SEC14L1: variants seen among roughly 807,000 people sequenced by gnomAD.
SEC14L1 encodes SEC14 like lipid binding 1.
SEC14L1 carries 48 observed loss-of-function variants against 85.3 expected under a neutral mutation model. That is an observed-to-expected ratio of 0.56 (90% CI 0.45 to 0.72). SEC14L1 has a LOEUF of 0.72. Ranked by LOEUF, SEC14L1 falls within the 30% of genes least tolerant of loss-of-function variation. The pLI is 0.00. For missense variants in SEC14L1, 682 were observed against 921.4 expected (o/e 0.74, Z 3.36); for synonymous variants, 391 against 355.5 (o/e 1.10, Z -1.12).
At chr17:77,194,962 T>G (rs1437190765) in intron 7 of SEC14L1, 51 bp downstream of exon 7, 15 of 1,408,664 alleles carry the variant, frequency 1.1e-5, no homozygotes, top group Non-Finnish European at 1.5e-5. Flanking sequence ...GAAGTCGGCG[T>G]TGCCGTTTTC....
chr17:77,163,250 C>T (rs2143644614), intron 3 of SEC14L1, among the ~76,000 whole-genome samples: 1 of 152,226 alleles, frequency 6.6e-6, no homozygotes, highest in East Asian at 1.9e-4. Flanking sequence ...AGTCGAGGGA[C>T]CAGGGGAGAA....
chr17:77,181,898 G>A lies in SEC14L1; in HGVS notation c.64-8905G>A, dbSNP rs1009370020. Among the ~76,000 whole-genome samples the A allele has an allele frequency of 4.0e-5, 6 of 151,264 alleles. No homozygotes were observed. The South Asian group carries it at 8.3e-4, about 21-fold the overall frequency. Reference sequence around the variant, plus strand: ...TGAGGGACTTTGGTCAGTTTGCCACGTTTTCTTTCTTTTTTTTTTTAATGC... The same window carrying A: ...TGAGGGACTTTGGTCAGTTTGCCACATTTTCTTTCTTTTTTTTTTTAATGC... On this transcript the variant is annotated intron_variant, in intron 3 of 16. Transcript: ENST00000436233.
Position 77,216,631 on chromosome 17 carries a change from A to G in SEC14L1, c.*2608A>G. 2.5e-6 allele frequency: 4 copies of G among 1,612,100 alleles called. No homozygotes were observed. Among genetic ancestry groups the G allele is most frequent in the Non-Finnish European group, 3.4e-6 (4 of 1,178,582 alleles). On this transcript the variant is annotated 3_prime_UTR_variant, in exon 17 of 17. Coordinates refer to ENST00000436233, the MANE Select transcript of SEC14L1 (RefSeq NM_001143998.2). ...CCAGAGATGTTTATAGAACTGTTTG[A>G]ATTGCAGCCATCCCCTGCCCCCTCC...
chr17:77,187,378 C>A (rs552829679), intron 3 of SEC14L1, among the ~76,000 whole-genome samples: 155 of 152,060 alleles, frequency 1.0e-3, no homozygotes, highest in African/African-American at 3.4e-3. Context: ...ATGCCCCCCC[C>A]CCACACCCCT....
In SEC14L1 at chr17:77,213,035, C is replaced by T. The variant is rs867593945; in HGVS notation, c.1864-279C>T. On this transcript the variant is annotated intron_variant, in intron 15 of 16. Coordinates refer to ENST00000436233, the MANE Select transcript of SEC14L1 (RefSeq NM_001143998.2). The surrounding 1 kb of genome is among the most constrained non-coding windows in gnomAD (Gnocchi z 7.1). Reference sequence around the variant, plus strand: ...TGCCACCAGCCTGCCAGGCTCCTGCCTCCGTAGGTGGGGTGGGCTGGGCAG... The same window carrying T: ...TGCCACCAGCCTGCCAGGCTCCTGCTTCCGTAGGTGGGGTGGGCTGGGCAG... Among the ~76,000 whole-genome samples, 3 of 152,244 alleles carry T rather than the reference C, an allele frequency of 2.0e-5. No homozygotes were observed. The highest frequency in any genetic ancestry group is 4.4e-5 in the Non-Finnish European group (3 of 68,042).
chr17:77,211,764 A>G (rs1411675842), intron 14 of SEC14L1, 186 bp from the exon 15 acceptor site: 1 of 711,172 alleles, frequency 1.4e-6, no homozygotes, highest in East Asian at 2.6e-5. Context: ...GACATGTAGC[A>G]GGATCCAGCG....
intron 13 of SEC14L1, among the ~76,000 whole-genome samples, chr17:77,207,502 A>T (rs1412673230): frequency 6.6e-6 from 1 of 151,738 alleles, no homozygotes; most frequent in Admixed American, 6.6e-5. Context: ...CACAGGCTGG[A>T]GTGCAGTGGT....
At chr17:77,196,363 T>C (rs529865190) in intron 8 of SEC14L1, 52 bp downstream of exon 8, 2 of 1,067,792 alleles carry the variant, frequency 1.9e-6, no homozygotes, top group African/African-American at 1.6e-5. Flanking sequence ...CGTGAAATCA[T>C]GGAATCTCTT....
intron 3 of SEC14L1, among the ~76,000 whole-genome samples, chr17:77,104,796 A>G (rs1971867996): frequency 6.6e-6 from 1 of 150,910 alleles, no homozygotes; most frequent in African/African-American, 2.5e-5. Context: ...ATTTCAAAAA[A>G]AAAAAAAAAA....
In SEC14L1 at chr17:77,123,619, G is replaced by A. The variant is rs558992729; in HGVS notation, c.-135-19027G>A. ...TTTGTAGAGACAGAGGTCTCACCATGTTGCCCAGGTCTCGAACTCCTGGGC... is the reference window on the plus strand; with the variant it reads ...TTTGTAGAGACAGAGGTCTCACCATATTGCCCAGGTCTCGAACTCCTGGGC... On this transcript the variant is annotated intron_variant, in intron 3 of 19. Transcript: ENST00000392476. Among the ~76,000 whole-genome samples the A allele has an allele frequency of 8.0e-4, 121 of 151,242 alleles. No individual in the cohort carries two copies. The South Asian group carries it at 0.023, about 29-fold the overall frequency.
chr17:77,144,594 C>T (rs1973195001), intron 3 of SEC14L1: 1 of 152,148 alleles, frequency 6.6e-6, no homozygotes, highest in Non-Finnish European at 1.5e-5. Context: ...ATTTACATGA[C>T]AGGGTTTGTT....
chr17:77,106,168 C>T (rs910386688), intron 3 of SEC14L1, among the ~76,000 whole-genome samples: 5 of 152,050 alleles, frequency 3.3e-5, no homozygotes, highest in African/African-American at 7.2e-5. Context: ...CCGAGGTTGG[C>T]GGATGGCTTG....
chr17:77,143,473 T>C (rs1222183371), intron 2 of SEC14L1, 94 bp from the exon 3 acceptor site: 2 of 675,028 alleles, frequency 3.0e-6, no homozygotes, highest in African/African-American at 3.6e-5. Flanking sequence ...GGTCTCTTTC[T>C]GTCGTTAGAG....
At chr17:77,195,487 T>A (rs1295387507) in intron 7 of SEC14L1, among the ~76,000 whole-genome samples, 2 of 151,988 alleles carry the variant, frequency 1.3e-5, no homozygotes, top group Admixed American at 1.3e-4. Context: ...CCTGACTAAT[T>A]TTTTTATTTT....
intron 3 of SEC14L1, among the ~76,000 whole-genome samples, chr17:77,163,197 A>G (rs1203515999): frequency 1.3e-5 from 2 of 152,112 alleles, no homozygotes; most frequent in Non-Finnish European, 2.9e-5. Flanking sequence ...GTGAAAATCG[A>G]TGATACGAAT....
At chr17:77,171,182 A>G (rs149042606) in intron 3 of SEC14L1, among the ~76,000 whole-genome samples, 1 of 152,322 alleles carries the variant, frequency 6.6e-6, no homozygotes, top group East Asian at 1.9e-4. Context: ...CTATACACCC[A>G]TAAACTCCGA....
At chr17:77,198,323 C>T (rs1247316268) in intron 8 of SEC14L1, among the ~76,000 whole-genome samples, 1 of 152,150 alleles carries the variant, frequency 6.6e-6, no homozygotes, top group Non-Finnish European at 1.5e-5. Flanking sequence ...GTTATGTAAA[C>T]CCAAATATAA....
intron 3 of SEC14L1, among the ~76,000 whole-genome samples, chr17:77,166,369 C>T (rs994603748): frequency 5.9e-5 from 9 of 152,178 alleles, no homozygotes; most frequent in Non-Finnish European, 1.0e-4. Context: ...CCCCAAGGAC[C>T]ACTTTTAATG....
chr17:77,163,239 G>T (rs1974146308), intron 3 of SEC14L1, among the ~76,000 whole-genome samples: 1 of 152,158 alleles, frequency 6.6e-6, no homozygotes, highest in African/African-American at 2.4e-5. Flanking sequence ...AACTAAACTG[G>T]AGTCGAGGGA....
Sources: gnomAD v4.1 joint callset for allele counts (sites outside exome capture counted in the v4.1 genomes callset) on GRCh38, gnomAD v4.1.1 for gene constraint, Gnocchi (gnomAD v3.1) non-coding constraint, MANE v1.5 for transcripts, NCBI Gene and HGNC (gene_info 2026-07-23, HGNC 2026-07-21) for gene names.